The following KALRN variants were observed in gnomAD, a reference collection of about 807,000 sequenced individuals.
The protein encoded by KALRN is kalirin RhoGEF kinase.
KALRN carries 70 observed loss-of-function variants against 353.7 expected under a neutral mutation model. The ratio of observed to expected loss-of-function variants is 0.20; its 90% CI spans 0.16 to 0.24. The LOEUF is 0.24. KALRN is among the 10% of genes least tolerant of loss of function. KALRN has a pLI of 1.00. For missense variants in KALRN, 2,791 were observed against 3,756.7 expected, an observed-to-expected ratio of 0.74 and a Z score of 6.72; for synonymous variants, 1,391 against 1,434.8, an observed-to-expected ratio of 0.97 and a Z score of 0.69.
intron 32 of KALRN, among the ~76,000 whole-genome samples, chr3:124,493,534 C>T (rs2063391466): frequency 6.6e-6 from 1 of 152,062 alleles, no homozygotes; most frequent in South Asian, 2.1e-4. Context: ...TTTTGGGGGA[C>T]AGTTCCAAAG....
intron 1 of KALRN, among the ~76,000 whole-genome samples, chr3:124,209,366 T>G (rs2076701500): frequency 6.6e-6 from 1 of 151,028 alleles, no homozygotes. Context: ...ATCAGCTGGG[T>G]GGTGGTGGTG....
intron 1 of KALRN, among the ~76,000 whole-genome samples, chr3:124,179,162 T>G (rs1359738323): frequency 6.6e-6 from 1 of 152,188 alleles, no homozygotes; most frequent in East Asian, 1.9e-4. Context: ...TTGTAATTCT[T>G]TTTACTTTAT....
In KALRN at chr3:124,585,382, G is replaced by A. The variant is rs564304673; in HGVS notation, c.5182+22293G>A. Among the ~76,000 whole-genome samples, 36 of 152,320 alleles carry A rather than the reference G, an allele frequency of 2.4e-4. No individual in the cohort carries two copies. In the East Asian group the frequency reaches 6.8e-3, roughly 29 times the overall value. On this transcript the variant is annotated intron_variant, in intron 34 of 59. Transcript: ENST00000682506. Reference sequence around the variant, plus strand: ...ACACCAGGAACTATTTTTGCCAAGTGACAATTTTCTCGTGGGACTGGAGCA... The same window carrying A: ...ACACCAGGAACTATTTTTGCCAAGTAACAATTTTCTCGTGGGACTGGAGCA...
chr3:124,288,475 A>G (rs1332206414), intron 5 of KALRN, among the ~76,000 whole-genome samples: 1 of 152,174 alleles, frequency 6.6e-6, no homozygotes, highest in Non-Finnish European at 1.5e-5. Flanking sequence ...GCTGCAAAAG[A>G]TACTTGGAAT....
At chr3:124,295,033 G>A (rs13097180) in intron 5 of KALRN, among the ~76,000 whole-genome samples, 30,122 of 152,160 alleles carry the variant, frequency 0.2, 3,082 homozygotes, top group South Asian at 0.29. Flanking sequence ...GCACACGCAT[G>A]CATTCATGTA....
chr3:124,192,200 T>C (rs903209091), intron 1 of KALRN, among the ~76,000 whole-genome samples: 7 of 152,218 alleles, frequency 4.6e-5, no homozygotes, highest in Admixed American at 3.9e-4. Flanking sequence ...TCTGATATGA[T>C]TGGTGTCCTA....
intron 34 of KALRN, among the ~76,000 whole-genome samples, chr3:124,629,987 C>G (rs897840945): frequency 6.6e-6 from 1 of 152,162 alleles, no homozygotes. Flanking sequence ...GATTTGCATG[C>G]TGATGCTCCT....
At chr3:124,590,728 C>T (rs562603799) in intron 34 of KALRN, among the ~76,000 whole-genome samples, 1 of 152,148 alleles carries the variant, frequency 6.6e-6, no homozygotes, top group Non-Finnish European at 1.5e-5. Context: ...AGACCTAACC[C>T]CAGGCTTTTC....
chr3:124,341,266 C>G (rs370356149), intron 9 of KALRN, among the ~76,000 whole-genome samples: 2 of 152,182 alleles, frequency 1.3e-5, no homozygotes, highest in African/African-American at 2.4e-5. Context: ...TGCCTGCCTG[C>G]TGTAGTGGCA....
intron 47 of KALRN, among the ~76,000 whole-genome samples, chr3:124,668,086 A>C: frequency 7.7e-6 from 1 of 130,506 alleles, no homozygotes; most frequent in East Asian, 2.2e-4. Context: ...ACACACACAC[A>C]CACACACAAC....
At position 124,264,075 on chromosome 3, in the gene KALRN, G is replaced by A. The variant is rs564117659; in HGVS notation, c.264-423G>A. On this transcript the variant is annotated intron_variant, in intron 3 of 59. Coordinates refer to ENST00000682506, the MANE Select transcript of KALRN (RefSeq NM_001388419.1). Reference sequence around the variant, plus strand: ...CTTTGGATTTTTTTTTTTTTTTTGCGGTGGAGGGGAATGTTTGCATTCTAC... The same window carrying A: ...CTTTGGATTTTTTTTTTTTTTTTGCAGTGGAGGGGAATGTTTGCATTCTAC... Among the ~76,000 whole-genome samples, 8 of 149,064 alleles carry A rather than the reference G, an allele frequency of 5.4e-5. No individual in the cohort carries two copies. The South Asian group carries it at 8.5e-4, about 16-fold the overall frequency.
chr3:124,514,481 C>A (rs80041375), intron 33 of KALRN, among the ~76,000 whole-genome samples: 2,730 of 152,298 alleles, frequency 0.018, 80 homozygotes, highest in African/African-American at 0.059. Flanking sequence ...AAGCAACTAA[C>A]AGTAACCACT....
chr3:124,164,350 C>T (rs904064587), intron 1 of KALRN: 4 of 152,150 alleles, frequency 2.6e-5, no homozygotes, highest in South Asian at 2.1e-4. Context: ...CAAATATAGA[C>T]TCAAAAAATC....
In KALRN at chr3:124,200,206, A is replaced by G. The variant is rs565519073; in HGVS notation, c.74-27784A>G. On this transcript the variant is annotated intron_variant, in intron 1 of 59. Coordinates refer to ENST00000682506, the MANE Select transcript of KALRN (RefSeq NM_001388419.1). ...TGCTACCACTAGTAAGCCGTGGAAT[A>G]TTTGGTAAGTAACTTCTTTCTGAGC... 2.6e-4 allele frequency among the ~76,000 whole-genome samples: 39 copies of G among 152,322 alleles called. No homozygotes were observed. In the South Asian group the frequency reaches 7.9e-3, roughly 31 times the overall value.
At chr3:124,669,550 G>T (rs2086118254) in intron 47 of KALRN, among the ~76,000 whole-genome samples, 1 of 152,194 alleles carries the variant, frequency 6.6e-6, no homozygotes, top group South Asian at 2.1e-4. Flanking sequence ...CATAAAATCA[G>T]TTTGATAAGG....
At chr3:124,356,332 TTTC>T (rs1196408965) in intron 10 of KALRN, among the ~76,000 whole-genome samples, 1 of 62,888 alleles carries the variant, frequency 1.6e-5, no homozygotes. Context: ...TCTTTTTCTT[TTTC>T]TTTTTTTTTT....
intron 1 of KALRN, among the ~76,000 whole-genome samples, chr3:124,063,966 A>G (rs528069762): frequency 1.3e-5 from 2 of 152,338 alleles, no homozygotes; most frequent in South Asian, 4.1e-4. Context: ...TTTTAAGTAA[A>G]CAAATACACA....
chr3:124,505,361 G>A (rs1439372171), intron 33 of KALRN, among the ~76,000 whole-genome samples: 1 of 152,178 alleles, frequency 6.6e-6, no homozygotes, highest in Non-Finnish European at 1.5e-5. Context: ...TGGGCATGGT[G>A]GTTTGCACCT....
intron 1 of KALRN, among the ~76,000 whole-genome samples, chr3:124,084,345 C>CCTCT (rs1270746504): frequency 6.6e-6 from 1 of 152,170 alleles, no homozygotes; most frequent in Non-Finnish European, 1.5e-5. Flanking sequence ...TGGGCCTTGG[C>CCTCT]CTCTGCCTTC....
Sources: allele counts gnomAD v4.1 joint callset (sites outside exome capture counted in the v4.1 genomes callset), GRCh38; gene constraint gnomAD v4.1.1; transcripts MANE v1.5; gene names NCBI Gene and HGNC (gene_info 2026-07-23, HGNC 2026-07-21).